The following DEFB121 variants were observed in gnomAD, a reference collection of about 807,000 sequenced individuals.
DEFB121 encodes defensin beta 121.
DEFB121 carries 5 observed loss-of-function variants against 2.5 expected under a neutral mutation model. That is an observed-to-expected ratio of 1.96 (90% CI 1.03 to 4.13). DEFB121 has a LOEUF of 4.13. Among genes scored for constraint, DEFB121 ranks in the 30% most tolerant of loss-of-function variants. The pLI is 0.00. For synonymous variants in DEFB121, 39 were observed against 32.6 expected, an observed-to-expected ratio of 1.20 and a Z score of -0.67; for missense variants, 87 against 85.0, an observed-to-expected ratio of 1.02 and a Z score of -0.09.
upstream of DEFB121, among the ~76,000 whole-genome samples, chr20:31,413,282 C>A (rs539570770): frequency 1.3e-5 from 2 of 152,194 alleles, no homozygotes; most frequent in Admixed American, 1.3e-4. Context: ...TTTAAATGAG[C>A]TTCATATCCC....
rs763728954 is a variant in DEFB121, at chr20:31,404,890, G to A, written c.*23C>T. 6.2e-6 allele frequency: 10 copies of A among 1,611,808 alleles called. No homozygotes were observed. The highest frequency in any genetic ancestry group is 8.5e-6 in the Non-Finnish European group (10 of 1,179,488). ...GAACTGCAGGATCCCATGATGTTGA[G>A]ACTCAAGGTTGGAAGAGAGGTGTCA... On this transcript the variant is annotated 3_prime_UTR_variant, in exon 2 of 2. Transcript: ENST00000376314.
upstream of DEFB121, chr20:31,412,848 G>T: frequency 2.7e-6 from 1 of 376,096 alleles, no homozygotes; most frequent in Non-Finnish European, 5.1e-6. Context: ...TCTCCTTTGT[G>T]TCCAGAGTGT....
intron 1 of DEFB121, chr20:31,412,617 C>T (rs1475883049): frequency 3.1e-6 from 4 of 1,290,866 alleles, no homozygotes; most frequent in East Asian, 5.5e-5. Flanking sequence ...ACTATGAATC[C>T]TCACCTTCCT....
Position 31,405,088 on chromosome 20 carries a change from G to A in DEFB121, c.59-3C>T, listed in dbSNP as rs1360633918. 1.3e-6 allele frequency: 2 copies of A among 1,590,846 alleles called. No individual in the cohort carries two copies. Among genetic ancestry groups the A allele is most frequent in the African/African-American group, 2.7e-5 (2 of 73,232 alleles). ...TGACTTGCCCCAACATTTCATGACT[G>A]AAAACAAAAGGGAAGAAGAGAATAG... On this transcript the variant is annotated splice_region_variant and splice_polypyrimidine_tract_variant and intron_variant, in intron 1 of 1. Coordinates refer to ENST00000376314, the MANE Select transcript of DEFB121 (RefSeq NM_001011878.3).
upstream of DEFB121, among the ~76,000 whole-genome samples, chr20:31,408,953 G>A (rs1202093213): frequency 2.0e-5 from 3 of 151,910 alleles, no homozygotes; most frequent in Non-Finnish European, 4.4e-5. Context: ...TTGAACCTGG[G>A]AGGCAGAGGT....
chr20:31,417,401 A>C (rs530078653), upstream of DEFB121, among the ~76,000 whole-genome samples: 6 of 152,300 alleles, frequency 3.9e-5, no homozygotes, highest in East Asian at 1.2e-3. Context: ...TTAAAAGTAC[A>C]AAGATGAAAT....
chr20:31,418,439 G>A, the DEFB121 span, among the ~76,000 whole-genome samples: 2 of 152,038 alleles, frequency 1.3e-5, no homozygotes, highest in African/African-American at 4.8e-5. Context: ...GTAGGAGGCA[G>A]GACTCAACTC....
rs1978656837 is a variant in DEFB121 at position 31,411,299 on chromosome 20, A to G, written n.217+1323T>C. Among the ~76,000 whole-genome samples the G allele has an allele frequency of 3.3e-5, 5 of 152,334 alleles. No individual in the cohort carries two copies. In the South Asian group the frequency reaches 1.0e-3, roughly 32 times the overall value. ...CTTAAGATTCCACATCTTAACTTCT[A>G]CTGATATCCAACCATGTTGCCAAGA... On this transcript the variant is annotated intron_variant and non_coding_transcript_variant, in intron 1 of 1. Coordinates refer to the DEFB121 transcript ENST00000376312.
chr20:31,417,831 T>G (rs189788154), upstream of DEFB121, among the ~76,000 whole-genome samples: 1,593 of 151,410 alleles, frequency 0.011, 8 homozygotes, highest in South Asian at 0.019. Context: ...GGCATGGTGG[T>G]GGGCGCCTGT....
upstream of DEFB121, among the ~76,000 whole-genome samples, chr20:31,417,660 CACACGAAATTTAGGG>C (rs1295012847): frequency 1.3e-5 from 2 of 152,208 alleles, no homozygotes; most frequent in Middle Eastern, 3.4e-3. Context: ...TCAGTAATCC[CACACGAAATTTAGGG>C]ACAATGGTTG....
upstream of DEFB121, among the ~76,000 whole-genome samples, chr20:31,416,933 A>C (rs1287825585): frequency 2.0e-5 from 3 of 152,152 alleles, no homozygotes; most frequent in East Asian, 5.8e-4. Flanking sequence ...TACTCTGTTT[A>C]TCTGAGTCCT....
At chr20:31,411,491 T>C (rs1978661893) in intron 1 of DEFB121, among the ~76,000 whole-genome samples, 1 of 151,866 alleles carries the variant, frequency 6.6e-6, no homozygotes, top group Non-Finnish European at 1.5e-5. Flanking sequence ...TGAAGTCATA[T>C]CATATGCTCT....
At chr20:31,408,217 G>A (rs1335007400), upstream of DEFB121, among the ~76,000 whole-genome samples, 2 of 152,192 alleles carry the variant, frequency 1.3e-5, no homozygotes, top group South Asian at 4.1e-4. Flanking sequence ...GCTAAGGCAG[G>A]AGGATTGCTT....
At chr20:31,416,862 A>G (rs1170222477), upstream of DEFB121, among the ~76,000 whole-genome samples, 1 of 152,130 alleles carries the variant, frequency 6.6e-6, no homozygotes, top group Non-Finnish European at 1.5e-5. Flanking sequence ...TATTATCCCA[A>G]GTTTCCTCTC....
upstream of DEFB121, among the ~76,000 whole-genome samples, chr20:31,413,894 C>T (rs1453301936): frequency 2.6e-5 from 4 of 152,066 alleles, no homozygotes; most frequent in East Asian, 3.9e-4. Context: ...CTATGGAAAA[C>T]GGTATGGAGG....
chr20:31,408,513 C>CACCAG (rs139828583), upstream of DEFB121, among the ~76,000 whole-genome samples: 34,904 of 151,854 alleles, frequency 0.23, 4,741 homozygotes, highest in African/African-American at 0.36. Context: ...CTCCGGAGGT[C>CACCAG]ACTTTTTCTA....
At chr20:31,406,567 G>C (rs1390667382), upstream of DEFB121, among the ~76,000 whole-genome samples, 1 of 152,132 alleles carries the variant, frequency 6.6e-6, no homozygotes, top group Admixed American at 6.6e-5. Flanking sequence ...GACATCTTAG[G>C]ATGTCCCATA....
At chr20:31,415,184 T>C (rs995041693), upstream of DEFB121, among the ~76,000 whole-genome samples, 4 of 152,118 alleles carry the variant, frequency 2.6e-5, no homozygotes, top group African/African-American at 9.7e-5. Context: ...CATGTTGTGT[T>C]CTTACCACAA....
upstream of DEFB121, among the ~76,000 whole-genome samples, chr20:31,409,160 T>C (rs1020998456): frequency 6.6e-6 from 1 of 152,222 alleles, no homozygotes; most frequent in African/African-American, 2.4e-5. Context: ...AAATTATTGC[T>C]GATTTTCTTG....
Sources: gnomAD v4.1 joint callset for allele counts (sites outside exome capture counted in the v4.1 genomes callset) on GRCh38, gnomAD v4.1.1 for gene constraint, MANE v1.5 for transcripts, NCBI Gene and HGNC (gene_info 2026-07-23, HGNC 2026-07-21) for gene names.